JARID2: variants seen among roughly 807,000 people sequenced by gnomAD.
The protein encoded by JARID2 is protein Jumonji.
JARID2 carries 21 observed loss-of-function variants against 125.6 expected under a neutral mutation model. That is an observed-to-expected ratio of 0.17 (90% CI 0.12 to 0.24). The LOEUF (loss-of-function observed/expected upper bound fraction) is 0.24, where lower values mean the gene tolerates loss of function less well. Ranked by LOEUF, JARID2 falls within the 10% of genes least tolerant of loss-of-function variation. The pLI is 1.00. For missense variants in JARID2, 1,303 were observed against 1,639.6 expected (o/e 0.79, Z 3.55); for synonymous variants, 736 against 661.6 (o/e 1.11, Z -1.73).
chr6:15,403,274 A>G (rs1195869712), intron 2 of JARID2, among the ~76,000 whole-genome samples: 1 of 152,164 alleles, frequency 6.6e-6, no homozygotes, highest in Non-Finnish European at 1.5e-5. Context: ...TTAAACTGTC[A>G]GCCTTGTTGT....
intron 1 of JARID2, among the ~76,000 whole-genome samples, chr6:15,336,204 T>C (rs1253783494): frequency 6.6e-6 from 1 of 152,228 alleles, no homozygotes; most frequent in Non-Finnish European, 1.5e-5. Context: ...TGGCTGCCTT[T>C]TCCTGAAACT....
chr6:15,368,134 T>C (rs1764041319), intron 1 of JARID2, among the ~76,000 whole-genome samples: 2 of 152,218 alleles, frequency 1.3e-5, no homozygotes, highest in African/African-American at 4.8e-5. Flanking sequence ...ATCATGTACC[T>C]TTTTGTCTTG....
intron 3 of JARID2, among the ~76,000 whole-genome samples, chr6:15,441,694 C>T (rs7756497): frequency 0.13 from 20,404 of 152,214 alleles, 1,844 homozygotes; most frequent in African/African-American, 0.26. Flanking sequence ...ACCTCACCTA[C>T]CGCACAACTC....
At chr6:15,253,166 C>T (rs1759522080) in intron 1 of JARID2, among the ~76,000 whole-genome samples, 7 of 151,912 alleles carry the variant, frequency 4.6e-5, no homozygotes, top group Admixed American at 3.9e-4. Context: ...TGGGTTCAAG[C>T]TATTCTCCCG....
At chr6:15,413,015 T>TTTTTTTG (rs1561845336) in intron 3 of JARID2, among the ~76,000 whole-genome samples, 2 of 94,396 alleles carry the variant, frequency 2.1e-5, no homozygotes, top group Non-Finnish European at 4.7e-5. Flanking sequence ...TTTGTTTTTT[T>TTTTTTTG]TTTTTTTGTT....
At position 15,489,549 on chromosome 6, in the gene JARID2, G is replaced by A. The variant is rs114457080; in HGVS notation, c.906+2007G>A. On this transcript the variant is annotated intron_variant, in intron 6 of 17. Transcript: ENST00000341776. ...CAGTTCAAGGTTTTCATTTGTAAGGGGATGAGAGGAATTAGTACAGTTGGA... is the reference window on the plus strand; with the variant it reads ...CAGTTCAAGGTTTTCATTTGTAAGGAGATGAGAGGAATTAGTACAGTTGGA... Among the ~76,000 whole-genome samples the A allele has an allele frequency of 9.6e-3, 1,457 of 152,350 alleles. 28 individuals carry two copies. Among genetic ancestry groups the A allele is most frequent in the African/African-American group, 0.033 (1,385 of 41,580 alleles).
At chr6:15,315,569 A>C (rs925743142) in intron 1 of JARID2, among the ~76,000 whole-genome samples, 1 of 152,204 alleles carries the variant, frequency 6.6e-6, no homozygotes, top group African/African-American at 2.4e-5. Flanking sequence ...ACGTATCTAG[A>C]GTGTGACTGG....
At chr6:15,508,037 C>CT (rs1561914234) in intron 11 of JARID2, among the ~76,000 whole-genome samples, 3 of 152,208 alleles carry the variant, frequency 2.0e-5, no homozygotes, top group African/African-American at 7.2e-5. Context: ...AGCCTTGAGG[C>CT]TTGGGGGCTT....
chr6:15,295,657 G>A (rs1761386172), intron 1 of JARID2, among the ~76,000 whole-genome samples: 1 of 151,696 alleles, frequency 6.6e-6, no homozygotes, highest in Admixed American at 6.6e-5. Flanking sequence ...GCCACTTAGG[G>A]TTATTTATTT....
At chr6:15,318,597 T>G (rs1263620648) in intron 1 of JARID2, among the ~76,000 whole-genome samples, 1 of 152,180 alleles carries the variant, frequency 6.6e-6, no homozygotes, top group Admixed American at 6.5e-5. Context: ...TGTTCTGACA[T>G]TCACTGGAGG....
At chr6:15,418,287 G>C (rs974542388) in intron 3 of JARID2, among the ~76,000 whole-genome samples, 1 of 141,042 alleles carries the variant, frequency 7.1e-6, no homozygotes, top group Non-Finnish European at 1.5e-5. Context: ...GCATGATCTC[G>C]TCTCACTGCA....
rs1178939100 is a variant in JARID2, at chr6:15,521,751, C to T, written c.*1500C>T. 1.3e-5 allele frequency: 2 copies of T among 152,212 alleles called. No individual in the cohort carries two copies. Among genetic ancestry groups the T allele is most frequent in the African/African-American group, 4.8e-5 (2 of 41,442 alleles). 9.4% of individuals were successfully genotyped at this position (152,212 alleles called of 1,614,324 possible). A position where few individuals can be genotyped will look rare whatever the true frequency, so the allele number is the denominator to read the frequency against. On this transcript the variant is annotated 3_prime_UTR_variant, in exon 18 of 18. Coordinates refer to ENST00000341776, the MANE Select transcript of JARID2 (RefSeq NM_004973.4). ...TGATCCACTTTGTTGGTTGTTGTTGCAGAAGACTGAACTGTTTTGGAATAT... is the reference window on the plus strand; with the variant it reads ...TGATCCACTTTGTTGGTTGTTGTTGTAGAAGACTGAACTGTTTTGGAATAT...
chr6:15,400,270 G>C (rs1054981993), intron 2 of JARID2, among the ~76,000 whole-genome samples: 8 of 152,084 alleles, frequency 5.3e-5, no homozygotes, highest in African/African-American at 1.2e-4. Flanking sequence ...ATGAGGCTCC[G>C]TGGAAGCTGG....
intron 2 of JARID2, among the ~76,000 whole-genome samples, chr6:15,382,970 C>T (rs1764648379): frequency 6.6e-6 from 1 of 152,104 alleles, no homozygotes; most frequent in Admixed American, 6.5e-5. Context: ...GGTAGTGTCA[C>T]CTGGGTAGTG....
In JARID2 at chr6:15,319,714, G is replaced by T. The variant is rs540354305; in HGVS notation, c.46-54403G>T. On this transcript the variant is annotated intron_variant, in intron 1 of 17. Transcript: ENST00000341776. ...CATAGTTTCTGGAACACAATTAGAA[G>T]TGAGATCTGTGTTTGAGGGAGAAGC... Among the ~76,000 whole-genome samples, 10 of 152,320 alleles carry T rather than the reference G, an allele frequency of 6.6e-5. No homozygotes were observed. In the East Asian group the frequency reaches 1.9e-3, roughly 29 times the overall value.
intron 3 of JARID2, among the ~76,000 whole-genome samples, chr6:15,451,413 G>C (rs1224513290): frequency 2.0e-5 from 3 of 152,176 alleles, no homozygotes; most frequent in African/African-American, 7.2e-5. Context: ...ATTGGAGGGG[G>C]CGTAGATAGA....
At chr6:15,417,298 T>C (rs559604015) in intron 3 of JARID2, among the ~76,000 whole-genome samples, 7 of 152,264 alleles carry the variant, frequency 4.6e-5, no homozygotes, top group African/African-American at 1.2e-4. Context: ...TGTTGTGTTA[T>C]ATAATGCAAC....
At chr6:15,434,960 C>T (rs1421738605) in intron 3 of JARID2, among the ~76,000 whole-genome samples, 1 of 152,168 alleles carries the variant, frequency 6.6e-6, no homozygotes, top group African/African-American at 2.4e-5. Context: ...TTTTTGATTT[C>T]TAGAAGCTCT....
intron 1 of JARID2, among the ~76,000 whole-genome samples, chr6:15,315,268 A>G (rs770125527): frequency 2.0e-5 from 3 of 152,248 alleles, no homozygotes; most frequent in Non-Finnish European, 1.5e-5. Flanking sequence ...ATTGCAAACA[A>G]CTTCCTTCAG....
Sources: allele counts gnomAD v4.1 joint callset (sites outside exome capture counted in the v4.1 genomes callset), GRCh38; gene constraint gnomAD v4.1.1; transcripts MANE v1.5; gene names NCBI Gene and HGNC (gene_info 2026-07-23, HGNC 2026-07-21).